Variants in ZNF334 observed in about 807,000 individuals in gnomAD.
ZNF334 encodes the protein zinc finger protein 334.
ZNF334 carries 14 observed loss-of-function variants against 12.4 expected under a neutral mutation model. The ratio of observed to expected loss-of-function variants is 1.13; its 90% CI spans 0.74 to 1.76. The LOEUF is 1.76. Among genes scored for constraint, ZNF334 ranks in the 40% most tolerant of loss-of-function variants. The pLI, the probability that ZNF334 is intolerant of heterozygous loss-of-function variation, is 0.00. For missense variants in ZNF334, 797 were observed against 804.5 expected (o/e 0.99, Z 0.11); for synonymous variants, 273 against 269.6 (o/e 1.01, Z -0.12).
Position 46,512,195 on chromosome 20 carries a change from C to A in ZNF334, c.-38-55G>T, listed in dbSNP as rs78011285. 1,985 of 1,360,932 alleles carry A rather than the reference C, an allele frequency of 1.5e-3. 25 individuals carry two copies. In the African/African-American group the frequency reaches 0.024, roughly 16 times the overall value. 84.3% of individuals were successfully genotyped at this position (1,360,932 alleles called of 1,614,324 possible). Reference sequence around the variant, plus strand: ...ATGAGCGATTTGGCTCACACAGCAGCTCTACAATTACCTACAAAGCCACAC... The same window carrying A: ...ATGAGCGATTTGGCTCACACAGCAGATCTACAATTACCTACAAAGCCACAC... On this transcript the variant is annotated intron_variant, in intron 1 of 4. Transcript: ENST00000692313.
At chr20:46,492,493 A>G in the ZNF334 span, 5 of 153,812 alleles carry the variant, frequency 3.3e-5, no homozygotes, top group African/African-American at 7.2e-5. Context: ...AATGTGGAAA[A>G]TGTTTTAACA....
At chr20:46,512,250 G>A in intron 1 of ZNF334, 110 bp from the exon 2 acceptor site, 1 of 716,844 alleles carries the variant, frequency 1.4e-6, no homozygotes, top group South Asian at 1.7e-5. Flanking sequence ...CCTTTGACCA[G>A]TCTGGTTCAG....
chr20:46,464,221 G>T, the ZNF334 span: 1 of 533,096 alleles, frequency 1.9e-6, no homozygotes, highest in African/African-American at 1.9e-5. Flanking sequence ...ATCCCTGCAC[G>T]CCTGGCTGCT....
intron 2 of ZNF334, 166 bp from the exon 3 acceptor site, chr20:46,504,906 A>T (rs544526459): frequency 4.2e-5 from 23 of 543,264 alleles, no homozygotes; most frequent in African/African-American, 4.1e-4. Flanking sequence ...ATTTTTTAAA[A>T]TGAATTTTAA....
At chr20:46,485,836 C>T in the ZNF334 span, among the ~76,000 whole-genome samples, 1 of 152,118 alleles carries the variant, frequency 6.6e-6, no homozygotes, top group African/African-American at 2.4e-5. Context: ...ACAAGAATTC[C>T]AAATAACCCT....
At chr20:46,506,348 A>G (rs1301077715) in intron 2 of ZNF334, 1 of 641,498 alleles carries the variant, frequency 1.6e-6, no homozygotes, top group Non-Finnish European at 2.8e-6. Context: ...ACACATGGCC[A>G]GGTGTGGTGG....
the ZNF334 span, among the ~76,000 whole-genome samples, chr20:46,489,649 CA>C: frequency 0.67 from 60,528 of 90,668 alleles, 19,076 homozygotes; most frequent in South Asian, 0.81. Flanking sequence ...CAGACTCTCT[CA>C]AAAAAAAAAA....
At chr20:46,509,461 C>T (rs2061562211) in intron 2 of ZNF334, 1 of 664,916 alleles carries the variant, frequency 1.5e-6, no homozygotes, top group African/African-American at 1.8e-5. Flanking sequence ...ACTACAAGCC[C>T]CAAAGAGGGG....
the ZNF334 span, among the ~76,000 whole-genome samples, chr20:46,493,424 A>C: frequency 6.6e-6 from 1 of 152,210 alleles, no homozygotes; most frequent in Non-Finnish European, 1.5e-5. Flanking sequence ...TAAAGGGTAA[A>C]GAGTTAGGAG....
the ZNF334 span, among the ~76,000 whole-genome samples, chr20:46,478,234 T>C: frequency 6.6e-6 from 1 of 152,040 alleles, no homozygotes; most frequent in African/African-American, 2.4e-5. Context: ...GTGCCTAAGG[T>C]GGTCAGGCTA....
the ZNF334 span, among the ~76,000 whole-genome samples, chr20:46,473,110 T>A: frequency 1.3e-5 from 2 of 152,234 alleles, no homozygotes; most frequent in Non-Finnish European, 2.9e-5. Context: ...TTGGTCCACT[T>A]TTATTGGCAT....
intron 2 of ZNF334, among the ~76,000 whole-genome samples, chr20:46,507,387 C>G (rs1638558051): frequency 6.6e-6 from 1 of 152,162 alleles, no homozygotes; most frequent in African/African-American, 2.4e-5. Context: ...GGACATTTAA[C>G]ACAACCTGGG....
chr20:46,475,079 G>A, the ZNF334 span, among the ~76,000 whole-genome samples: 4 of 152,116 alleles, frequency 2.6e-5, no homozygotes, highest in African/African-American at 9.7e-5. Context: ...AACAAGTAAA[G>A]GAAACCACAG....
chr20:46,476,291 G>C, the ZNF334 span: 1 of 152,188 alleles, frequency 6.6e-6, no homozygotes, highest in South Asian at 2.1e-4. Flanking sequence ...GTTAATGTGG[G>C]TAACACCAGA....
At chr20:46,508,183 A>G (rs2061504170) in intron 2 of ZNF334, among the ~76,000 whole-genome samples, 1 of 152,244 alleles carries the variant, frequency 6.6e-6, no homozygotes, top group South Asian at 2.1e-4. Flanking sequence ...CTGTAAGTAG[A>G]ATGATGATCC....
intron 4 of ZNF334, 104 bp downstream of exon 4, chr20:46,504,110 C>T (rs772429303): frequency 2.1e-4 from 161 of 749,052 alleles, no homozygotes; most frequent in Non-Finnish European, 3.3e-4. Flanking sequence ...TCTGGGCCAA[C>T]AAAAAGAAAT....
the ZNF334 span, among the ~76,000 whole-genome samples, chr20:46,488,478 G>A: frequency 7.4e-6 from 1 of 135,060 alleles, no homozygotes; most frequent in Admixed American, 7.7e-5. Flanking sequence ...CCTTTATGGC[G>A]TTGCTGTCAT....
chr20:46,470,955 C>G, the ZNF334 span, among the ~76,000 whole-genome samples: 1 of 152,146 alleles, frequency 6.6e-6, no homozygotes, highest in African/African-American at 2.4e-5. Context: ...GCATGAATTT[C>G]CATAAGATAT....
At chr20:46,490,004 C>A in the ZNF334 span, among the ~76,000 whole-genome samples, 3 of 152,080 alleles carry the variant, frequency 2.0e-5, no homozygotes, top group Non-Finnish European at 4.4e-5. Context: ...TGCAGTTAAC[C>A]AGTTTCTAGA....
Sources: gnomAD v4.1 joint callset for allele counts (sites outside exome capture counted in the v4.1 genomes callset) on GRCh38, gnomAD v4.1.1 for gene constraint, MANE v1.5 for transcripts, NCBI Gene and HGNC (gene_info 2026-07-23, HGNC 2026-07-21) for gene names.